Variants in EYS observed in about 807,000 individuals in gnomAD.
The protein encoded by EYS is protein eyes shut homolog.
Under a neutral mutation model 282.1 loss-of-function variants are expected in EYS, and 250 were observed. The observed-to-expected ratio is 0.89, with a 90% CI of 0.80 to 0.98. EYS has a LOEUF of 0.98. EYS is among the 50% of genes least tolerant of loss of function. EYS has a pLI of 0.00. For synonymous variants in EYS, 1,355 were observed against 1,282.9 expected (o/e 1.06, Z -1.20); for missense variants, 4,016 against 3,709.0 (o/e 1.08, Z -2.15).
intron 22 of EYS, among the ~76,000 whole-genome samples, chr6:64,697,382 G>T (rs115477180): frequency 6.6e-6 from 1 of 152,016 alleles, no homozygotes; most frequent in Non-Finnish European, 1.5e-5. Context: ...ACCCACATTC[G>T]TAAAACAAAT....
intron 33 of EYS, among the ~76,000 whole-genome samples, chr6:64,000,142 A>C (rs1277787000): frequency 8.4e-6 from 1 of 118,940 alleles, no homozygotes; most frequent in African/African-American, 3.2e-5. Context: ...TTTGCCTGGG[A>C]CTGAGGAGTT....
At chr6:64,118,631 T>C (rs1055162923) in intron 31 of EYS, among the ~76,000 whole-genome samples, 1 of 152,084 alleles carries the variant, frequency 6.6e-6, no homozygotes, top group Admixed American at 6.5e-5. Flanking sequence ...TGGGCAAAGA[T>C]TTTAATGGAG....
At chr6:64,477,662 A>T (rs1458777672) in intron 26 of EYS, among the ~76,000 whole-genome samples, 1 of 152,142 alleles carries the variant, frequency 6.6e-6, no homozygotes. Context: ...TTCACTAGAA[A>T]TGATGGTAAA....
intron 40 of EYS, among the ~76,000 whole-genome samples, chr6:63,773,721 G>T (rs144324754): frequency 0.014 from 2,135 of 152,262 alleles, 23 homozygotes; most frequent in Non-Finnish European, 0.025. Flanking sequence ...ACAATTACAT[G>T]TCCAGATGAG....
Position 65,353,462 on chromosome 6 carries a change from A to G in EYS, c.1455T>C (p.Phe485=). Residue 485 remains phenylalanine, a synonymous_variant, in exon 9 of 43, where the codon TTT becomes TTC. Coordinates refer to ENST00000503581, the MANE Select transcript of EYS (RefSeq NM_001142800.2). The part of the protein sequence containing the change: ...AQFEYVWQLG[F]AGSEGEKCQG... ...AAAATTACATAAATTTGTTACCTGC[A>G]AATCCCAATTGCCACACATATTCAA... 1 of 1,612,946 alleles carries G rather than the reference A, an allele frequency of 6.2e-7. No homozygotes were observed. Among genetic ancestry groups the G allele is most frequent in the Non-Finnish European group, 8.5e-7 (1 of 1,179,282 alleles).
chr6:64,522,771 G>T, intron 26 of EYS, among the ~76,000 whole-genome samples: 1 of 151,672 alleles, frequency 6.6e-6, no homozygotes, highest in East Asian at 1.9e-4. Context: ...GGTTAAAAAT[G>T]TAAAGCACAA....
chr6:64,559,942 T>C (rs1765345526), intron 26 of EYS, among the ~76,000 whole-genome samples: 1 of 152,100 alleles, frequency 6.6e-6, no homozygotes, highest in Non-Finnish European at 1.5e-5. Context: ...ACCCAGTGTG[T>C]GTTGTTCTCC....
chr6:65,630,939 C>T (rs1343236295), intron 2 of EYS, among the ~76,000 whole-genome samples: 1 of 152,136 alleles, frequency 6.6e-6, no homozygotes, highest in Non-Finnish European at 1.5e-5. Flanking sequence ...AATTTATATA[C>T]TTAGGCAATA....
chr6:65,673,407 T>A (rs866737146), intron 1 of EYS, among the ~76,000 whole-genome samples: 3 of 151,994 alleles, frequency 2.0e-5, no homozygotes, highest in Non-Finnish European at 2.9e-5. Context: ...CTAGATGTGG[T>A]TTTGTATGAA....
intron 26 of EYS, among the ~76,000 whole-genome samples, chr6:64,538,738 A>C (rs1387032834): frequency 6.6e-6 from 1 of 152,208 alleles, no homozygotes; most frequent in Non-Finnish European, 1.5e-5. Flanking sequence ...ATCATAAAAA[A>C]ATCTATAATG....
intron 12 of EYS, among the ~76,000 whole-genome samples, chr6:65,154,066 G>A (rs1764678602): frequency 6.6e-6 from 1 of 151,718 alleles, no homozygotes; most frequent in Admixed American, 6.6e-5. Flanking sequence ...CTATTCATTT[G>A]TAGGTCTTAA....
intron 29 of EYS, among the ~76,000 whole-genome samples, chr6:64,347,132 A>G (rs560625355): frequency 6.6e-6 from 1 of 151,388 alleles, no homozygotes; most frequent in Non-Finnish European, 1.5e-5. Flanking sequence ...TCTTCAAAAA[A>G]ATTTTTGCTC....
intron 35 of EYS, among the ~76,000 whole-genome samples, chr6:63,973,273 T>C (rs937209724): frequency 6.6e-5 from 10 of 152,166 alleles, no homozygotes; most frequent in African/African-American, 2.2e-4. Flanking sequence ...TGGTATCTCA[T>C]TGTGGTTTTG....
chr6:64,071,015 C>T (rs1438272916), intron 32 of EYS, among the ~76,000 whole-genome samples: 1 of 151,936 alleles, frequency 6.6e-6, no homozygotes, highest in Non-Finnish European at 1.5e-5. Flanking sequence ...CTTACCTCCA[C>T]TTAAAAGGAA....
At chr6:64,998,488 T>C (rs1250847844) in intron 13 of EYS, among the ~76,000 whole-genome samples, 1 of 152,202 alleles carries the variant, frequency 6.6e-6, no homozygotes, top group Non-Finnish European at 1.5e-5. Flanking sequence ...TAATGCACTG[T>C]AATAAATGTA....
intron 39 of EYS, among the ~76,000 whole-genome samples, chr6:63,778,493 C>T (rs1187893080): frequency 1.3e-5 from 2 of 151,708 alleles, no homozygotes; most frequent in African/African-American, 4.8e-5. Flanking sequence ...TAATATTATA[C>T]CAAAAAGTTG....
intron 2 of EYS, among the ~76,000 whole-genome samples, chr6:65,563,604 C>G (rs1769149067): frequency 6.6e-6 from 1 of 151,858 alleles, no homozygotes; most frequent in African/African-American, 2.4e-5. Flanking sequence ...ACCCCACTTT[C>G]CAATTGACAA....
chr6:64,097,350 G>T (rs1772662293), intron 31 of EYS, among the ~76,000 whole-genome samples: 1 of 152,194 alleles, frequency 6.6e-6, no homozygotes, highest in South Asian at 2.1e-4. Flanking sequence ...TGCCCCCAGA[G>T]GTAGAGTCTA....
At chr6:64,125,965 C>A (rs895528956) in intron 31 of EYS, among the ~76,000 whole-genome samples, 4 of 150,952 alleles carry the variant, frequency 2.6e-5, no homozygotes, top group Admixed American at 2.0e-4. Flanking sequence ...ACGTGCACAA[C>A]GTGCAGGTTT....
Sources: gnomAD v4.1 joint callset for allele counts (sites outside exome capture counted in the v4.1 genomes callset) on GRCh38, gnomAD v4.1.1 for gene constraint, MANE v1.5 for transcripts, NCBI Gene and HGNC (gene_info 2026-07-23, HGNC 2026-07-21) for gene names.